The following TRIP4 variants were observed in gnomAD, a reference collection of about 807,000 sequenced individuals.
TRIP4 encodes the protein activating signal cointegrator 1.
A neutral mutation model predicts 81.8 loss-of-function variants in TRIP4; 54 were observed. That is an observed-to-expected ratio of 0.66 (90% CI 0.53 to 0.83). The LOEUF (loss-of-function observed/expected upper bound fraction) is 0.83. Ranked by LOEUF, TRIP4 falls within the 40% of genes least tolerant of loss-of-function variation. The pLI is 0.00. For missense variants in TRIP4, 662 were observed against 683.6 expected, an observed-to-expected ratio of 0.97 and a Z score of 0.35; for synonymous variants, 270 against 242.8, an observed-to-expected ratio of 1.11 and a Z score of -1.04.
rs11071794 is a variant in TRIP4, at chr15:64,394,233, G to A, written c.271+118G>A. The A allele has an allele frequency of 0.91, 783,453 of 862,040 alleles. 361,626 individuals carry two copies. The highest frequency in any genetic ancestry group is 0.95 in the Non-Finnish European group (564,620 of 593,854). The allele number at this position is 862,040 out of a possible 1,614,324, so 53.4% of individuals were successfully genotyped here. ...TTTCTTCACAGCTAACTTAAACAGAGTCATATGTATACATATTTTTAGTTC... is the reference window on the plus strand; with the variant it reads ...TTTCTTCACAGCTAACTTAAACAGAATCATATGTATACATATTTTTAGTTC... On this transcript the variant is annotated intron_variant, in intron 2 of 12. Transcript: ENST00000261884.
At chr15:64,427,642 CT>C (rs1430766412) in intron 11 of TRIP4, among the ~76,000 whole-genome samples, 1 of 152,186 alleles carries the variant, frequency 6.6e-6, no homozygotes, top group Admixed American at 6.5e-5. Flanking sequence ...TCCCGAAGTG[CT>C]TTGATTATAG....
intron 11 of TRIP4, among the ~76,000 whole-genome samples, chr15:64,432,890 A>C (rs1412492530): frequency 6.6e-6 from 1 of 151,882 alleles, no homozygotes; most frequent in African/African-American, 2.4e-5. Flanking sequence ...CAGCCTGGGC[A>C]ACAGAGCAAG....
At chr15:64,439,684 G>A (rs1350643653) in intron 11 of TRIP4, among the ~76,000 whole-genome samples, 1 of 151,244 alleles carries the variant, frequency 6.6e-6, no homozygotes, top group Non-Finnish European at 1.5e-5. Context: ...CCATCATGCC[G>A]GCTAATTTTT....
In TRIP4 at chr15:64,455,167, G is replaced by C. The variant is rs138527083; in HGVS notation, c.*103G>C. 3 of 1,014,176 alleles carry C rather than the reference G, an allele frequency of 3.0e-6. No individual in the cohort carries two copies. Among genetic ancestry groups the C allele is most frequent in the East Asian group, 2.6e-5 (1 of 38,540 alleles). The allele number at this position is 1,014,176 out of a possible 1,614,324, so 62.8% of individuals were successfully genotyped here. On this transcript the variant is annotated 3_prime_UTR_variant, in exon 13 of 13. Coordinates refer to ENST00000261884, the MANE Select transcript of TRIP4 (RefSeq NM_016213.5). The stretch of plus-strand genomic sequence containing the variant: ...AGTAGTAGAAACCTAAAGGCTTGGC[G>C]TCAGGCTTGAATATCTCAGAACTTA...
chr15:64,402,523 ATTT>A (rs570424030), intron 5 of TRIP4, among the ~76,000 whole-genome samples: 1 of 114,076 alleles, frequency 8.8e-6, no homozygotes. Flanking sequence ...CCCGGCCAAC[ATTT>A]TTTTTTTTTT....
At chr15:64,400,347 AT>A (rs926163003) in intron 4 of TRIP4, among the ~76,000 whole-genome samples, 1 of 145,410 alleles carries the variant, frequency 6.9e-6, no homozygotes, top group African/African-American at 2.6e-5. Flanking sequence ...TAATTTTTGC[AT>A]TTTTTTGTTG....
intron 11 of TRIP4, among the ~76,000 whole-genome samples, chr15:64,432,439 A>C (rs1017339154): frequency 2.7e-5 from 3 of 110,582 alleles, no homozygotes; most frequent in African/African-American, 9.4e-5. Context: ...CTTGGTGACC[A>C]TCTCTACTAA....
At chr15:64,435,213 CAAAAAA>C (rs35216763) in intron 11 of TRIP4, among the ~76,000 whole-genome samples, 9 of 50,424 alleles carry the variant, frequency 1.8e-4, no homozygotes, top group Admixed American at 9.1e-4. Flanking sequence ...GACCCCATCT[CAAAAAA>C]AAAAAAAAAA....
chr15:64,397,874 C>T lies in TRIP4; in HGVS notation c.618+56C>T. 4.6e-6 allele frequency: 7 copies of T among 1,534,430 alleles called. No individual in the cohort carries two copies. The South Asian group carries it at 8.4e-5, about 18-fold the overall frequency. On this transcript the variant is annotated intron_variant, in intron 4 of 12. Coordinates refer to ENST00000261884, the MANE Select transcript of TRIP4 (RefSeq NM_016213.5). Reference sequence around the variant, plus strand: ...TGTGCTTTGTGTTAATACGCAGAGCCAGTCAGATCTCAAGTAATTTCTCTT... The same window carrying T: ...TGTGCTTTGTGTTAATACGCAGAGCTAGTCAGATCTCAAGTAATTTCTCTT...
At chr15:64,442,186 C>T (rs1187576729) in intron 11 of TRIP4, among the ~76,000 whole-genome samples, 3 of 131,320 alleles carry the variant, frequency 2.3e-5, no homozygotes, top group Non-Finnish European at 4.9e-5. Flanking sequence ...AGAAGAATGG[C>T]GTGATCTGAT....
At chr15:64,431,262 C>T (rs1157956133) in intron 11 of TRIP4, among the ~76,000 whole-genome samples, 1 of 151,936 alleles carries the variant, frequency 6.6e-6, no homozygotes, top group Non-Finnish European at 1.5e-5. Context: ...CGATAACAGC[C>T]CTCACGATGA....
At chr15:64,391,844 G>T (rs146831361) in intron 1 of TRIP4, among the ~76,000 whole-genome samples, 1 of 151,636 alleles carries the variant, frequency 6.6e-6, no homozygotes, top group Non-Finnish European at 1.5e-5. Context: ...AGTGGTGCAC[G>T]CCTGCAATCC....
chr15:64,454,107 G>A (rs1892830413), intron 12 of TRIP4, among the ~76,000 whole-genome samples: 1 of 151,500 alleles, frequency 6.6e-6, no homozygotes, highest in African/African-American at 2.4e-5. Context: ...TGAAGGGGAA[G>A]ACTCCTTGTT....
chr15:64,395,316 T>C, intron 2 of TRIP4, 82 bp from the exon 3 acceptor site: 1 of 1,206,140 alleles, frequency 8.3e-7, no homozygotes. Context: ...AGCATCACCT[T>C]AGTTTATTAG....
intron 6 of TRIP4, among the ~76,000 whole-genome samples, 195 bp downstream of exon 6, chr15:64,406,654 G>T (rs936084593): frequency 6.6e-6 from 1 of 152,186 alleles, no homozygotes; most frequent in African/African-American, 2.4e-5. Flanking sequence ...CCTATGAAAA[G>T]AATCCTGTCC....
chr15:64,426,242 G>C (rs1892141019), intron 11 of TRIP4, among the ~76,000 whole-genome samples: 1 of 152,118 alleles, frequency 6.6e-6, no homozygotes, highest in African/African-American at 2.4e-5. Flanking sequence ...TAATTCTGGA[G>C]CTTTTGGTCC....
chr15:64,436,871 G>T (rs1420016080), intron 11 of TRIP4, among the ~76,000 whole-genome samples: 2 of 126,730 alleles, frequency 1.6e-5, no homozygotes, highest in Non-Finnish European at 1.6e-5. Flanking sequence ...ACCACACCCA[G>T]CTAATTTTTG....
intron 9 of TRIP4, among the ~76,000 whole-genome samples, chr15:64,420,529 C>CTT (rs35771443): frequency 2.5e-3 from 365 of 145,934 alleles, no homozygotes; most frequent in Middle Eastern, 7.1e-3. Context: ...CTTCTTATTT[C>CTT]TTTTTTTTTT....
chr15:64,397,450 G>A (rs1388557162), intron 3 of TRIP4, among the ~76,000 whole-genome samples, 156 bp from the exon 4 acceptor site: 1 of 152,188 alleles, frequency 6.6e-6, no homozygotes, highest in South Asian at 2.1e-4. Context: ...TCAGAACCTT[G>A]ATTATAACTA....
Sources: gnomAD v4.1 joint callset for allele counts (sites outside exome capture counted in the v4.1 genomes callset) on GRCh38, gnomAD v4.1.1 for gene constraint, MANE v1.5 for transcripts, NCBI Gene and HGNC (gene_info 2026-07-23, HGNC 2026-07-21) for gene names.